Variants in TSHZ1 observed in about 807,000 individuals in gnomAD.
TSHZ1 encodes the protein teashirt zinc finger homeobox 1, also known as teashirt homolog 1.
A neutral mutation model predicts 67.1 loss-of-function variants in TSHZ1; 12 were observed. That is an observed-to-expected ratio of 0.18 (90% CI 0.11 to 0.29). The LOEUF (loss-of-function observed/expected upper bound fraction) is 0.29. Among genes scored for constraint, TSHZ1 ranks in the 10% least tolerant of loss-of-function variants. TSHZ1 has a pLI of 1.00. For missense variants in TSHZ1, 1,305 were observed against 1,413.9 expected (o/e 0.92, Z 1.23); for synonymous variants, 632 against 622.4 (o/e 1.02, Z -0.23).
chr18:75,285,358 T>C (rs992810262), intron 1 of TSHZ1, 90 bp from the exon 2 acceptor site: 11 of 1,392,586 alleles, frequency 7.9e-6, no homozygotes, highest in African/African-American at 2.9e-5. Flanking sequence ...GGCTGACAAA[T>C]ATCTTTTTAA....
chr18:75,230,693 C>T (rs1020413920), intron 1 of TSHZ1, among the ~76,000 whole-genome samples: 2 of 152,288 alleles, frequency 1.3e-5, no homozygotes, highest in African/African-American at 2.4e-5. Context: ...AAACATCATG[C>T]GTGCGAAATT....
chr18:75,253,211 A>G (rs1187445573), intron 1 of TSHZ1, among the ~76,000 whole-genome samples: 1 of 152,092 alleles, frequency 6.6e-6, no homozygotes, highest in Non-Finnish European at 1.5e-5. Flanking sequence ...GTGTATTGAG[A>G]TGCTGTTGAT....
At chr18:75,219,809 TGTGTGTAAG>T (rs2022822362) in intron 1 of TSHZ1, among the ~76,000 whole-genome samples, 1 of 152,258 alleles carries the variant, frequency 6.6e-6, no homozygotes, top group Non-Finnish European at 1.5e-5. Flanking sequence ...GAGTTGTATA[TGTGTGTAAG>T]TGTACTTTGT....
intron 1 of TSHZ1, among the ~76,000 whole-genome samples, chr18:75,267,515 G>A (rs1345959253): frequency 1.3e-5 from 2 of 152,202 alleles, no homozygotes; most frequent in Non-Finnish European, 2.9e-5. Flanking sequence ...AACACATCAC[G>A]GGCAATAGGC....
intron 1 of TSHZ1, among the ~76,000 whole-genome samples, chr18:75,256,824 A>G (rs1004029056): frequency 6.6e-6 from 1 of 152,200 alleles, no homozygotes; most frequent in African/African-American, 2.4e-5. Flanking sequence ...GATGATGTGC[A>G]TTTTACCTGT....
intron 1 of TSHZ1, among the ~76,000 whole-genome samples, chr18:75,232,928 G>A (rs559407219): frequency 1.3e-5 from 2 of 152,342 alleles, no homozygotes; most frequent in Admixed American, 6.5e-5. Flanking sequence ...AGTTTGCCAC[G>A]CACAGTTAGG....
At position 75,287,793 on chromosome 18, in the gene TSHZ1, G is replaced by C. The variant is rs367753067; in HGVS notation, c.2386G>C (p.Asp796His). The C allele has an allele frequency of 1.2e-6, 2 of 1,614,152 alleles. No individual in the cohort carries two copies. The highest frequency in any genetic ancestry group is 1.7e-5 in the Admixed American group (1 of 60,034). ...VYPATPVKQA[D>H]AIDRYYYENS... ...CCCCGCCACCCCTGTGAAGCAGGCC[G>C]ATGCCATCGACCGCTACTATTATGA... is the stretch of plus-strand genomic sequence containing the variant. Residue 796 changes from aspartate (D) to histidine (H), a missense_variant, in exon 2 of 2, where the codon GAT (aspartate) becomes CAT (histidine). By Grantham distance (81) the Asp-to-His change is moderately conservative. Coordinates refer to ENST00000580243, the MANE Select transcript of TSHZ1 (RefSeq NM_001308210.2). The surrounding 1 kb of genome is among the most constrained non-coding windows in gnomAD (Gnocchi z 5.0).
Position 75,287,551 on chromosome 18 carries a change from G to A in TSHZ1, c.2144G>A (p.Gly715Asp). Residue 715 changes from glycine (G) to aspartate (D), a missense_variant, in exon 2 of 2, where the codon GGC (glycine) becomes GAC (aspartate). Physicochemically the swap from Gly to Asp is moderately conservative, Grantham distance 94 (BLOSUM62 -1). Transcript: ENST00000580243. The surrounding 1 kb of genome is among the most constrained non-coding windows in gnomAD (Gnocchi z 5.0). The stretch of plus-strand genomic sequence containing the variant: ...CCGCTGGACGTTCACACCCCAAATG[G>A]CACAGAGCCTCTCAAAGCAAAGGTC... ...EGPLDVHTPN[G>D]TEPLKAKVTN... 6.2e-7 allele frequency: 1 copy of A among 1,614,218 alleles called. No individual in the cohort carries two copies. Among genetic ancestry groups the A allele is most frequent in the Admixed American group, 1.7e-5 (1 of 60,026 alleles).
chr18:75,281,118 C>A lies in TSHZ1; in HGVS notation c.41-4330C>A, dbSNP rs561728993. Among the ~76,000 whole-genome samples the A allele has an allele frequency of 6.6e-6, 1 of 152,130 alleles. No individual in the cohort carries two copies. The highest frequency in any genetic ancestry group is 6.5e-5 in the Admixed American group (1 of 15,284). ...AGCAAAGGCTTGCACTCAGGGTTGT[C>A]GGGAGCACAGCGTCTGCTGGAAGGG... On this transcript the variant is annotated intron_variant, in intron 1 of 1. Coordinates refer to ENST00000580243, the MANE Select transcript of TSHZ1 (RefSeq NM_001308210.2). This position sits in a 1 kb window ranked among gnomAD's most constrained non-coding sequence, Gnocchi z 5.3.
chr18:75,249,655 A>G (rs4891052), intron 1 of TSHZ1, among the ~76,000 whole-genome samples: 115,922 of 148,436 alleles, frequency 0.78, 44,950 homozygotes, highest in South Asian at 0.87. Flanking sequence ...CAACTCACCC[A>G]TGCAGTAGGT....
intron 1 of TSHZ1, among the ~76,000 whole-genome samples, chr18:75,238,422 A>G (rs960861780): frequency 6.6e-6 from 1 of 152,194 alleles, no homozygotes; most frequent in Non-Finnish European, 1.5e-5. Flanking sequence ...AAGAATTGGC[A>G]AACTGGGACA....
rs535675338 is a variant in TSHZ1 at position 75,287,291 on chromosome 18, G to T, written c.1884G>T (p.Thr628=). 4 of 1,614,038 alleles carry T rather than the reference G, an allele frequency of 2.5e-6. No individual in the cohort carries two copies. The highest frequency in any genetic ancestry group is 1.1e-5 in the South Asian group (1 of 91,072). Residue 628 remains threonine (T), a synonymous_variant, in exon 2 of 2, where the codon ACG becomes ACT. Coordinates refer to ENST00000580243, the MANE Select transcript of TSHZ1 (RefSeq NM_001308210.2). The surrounding 1 kb of genome is among the most constrained non-coding windows in gnomAD (Gnocchi z 5.0). ...NALLHSPGSL[T]PPPHKSNVSA... ...TCCTGCACTCCCCAGGGAGCCTCAC[G>T]CCCCCACCGCACAAGAGCAACGTGT...
intron 1 of TSHZ1, among the ~76,000 whole-genome samples, chr18:75,233,330 T>C (rs948003516): frequency 1.3e-5 from 2 of 152,254 alleles, no homozygotes; most frequent in African/African-American, 4.8e-5. Context: ...ATTAGTATTA[T>C]GGCACACTTT....
At chr18:75,278,018 C>T (rs973381340) in intron 1 of TSHZ1, among the ~76,000 whole-genome samples, 1 of 152,062 alleles carries the variant, frequency 6.6e-6, no homozygotes, top group African/African-American at 2.4e-5. Flanking sequence ...TACCTTCCAT[C>T]TCTCTCTCCT....
intron 1 of TSHZ1, among the ~76,000 whole-genome samples, chr18:75,268,860 A>G (rs2023523698): frequency 6.6e-6 from 1 of 152,220 alleles, no homozygotes; most frequent in African/African-American, 2.4e-5. Context: ...GGAAAGATGG[A>G]TCTTCTGAGA....
At chr18:75,233,619 A>C (rs1468789229) in intron 1 of TSHZ1, among the ~76,000 whole-genome samples, 1 of 152,146 alleles carries the variant, frequency 6.6e-6, no homozygotes, top group Non-Finnish European at 1.5e-5. Context: ...CTGGTGGATT[A>C]ATGTTGGAAA....
chr18:75,256,380 C>T (rs1334320071), intron 1 of TSHZ1, among the ~76,000 whole-genome samples: 1 of 152,200 alleles, frequency 6.6e-6, no homozygotes, highest in Non-Finnish European at 1.5e-5. Flanking sequence ...AGCTGGGTCA[C>T]AGAGGTTTCT....
chr18:75,286,077 A>G lies in TSHZ1; in HGVS notation c.670A>G (p.Ser224Gly), dbSNP rs1298247199. 3 of 1,612,836 alleles carry G rather than the reference A, an allele frequency of 1.9e-6. No homozygotes were observed. The highest frequency in any genetic ancestry group is 2.5e-6 in the Non-Finnish European group (3 of 1,179,230). ...YGLLPEPSLF[S>G]TVQLYRQNNK... is the part of the protein sequence containing the mutation. ...GCTGCTTCCTGAGCCCAGCCTGTTC[A>G]GCACCGTGCAGCTCTACCGCCAGAA... Residue 224 changes from serine (S) to glycine (G), a missense_variant, in exon 2 of 2, where the codon AGC (serine) becomes GGC (glycine). By Grantham distance (56) the Ser-to-Gly change is moderately conservative (BLOSUM62 0). Around this residue, in one of 3 missense-constraint regions of TSHZ1, gnomAD observed 358 missense variants for 375.6 expected, o/e 0.95. Transcript: ENST00000580243. This position sits in a 1 kb window ranked among gnomAD's most constrained non-coding sequence, Gnocchi z 5.1.
At chr18:75,270,283 G>A (rs1294047724) in intron 1 of TSHZ1, among the ~76,000 whole-genome samples, 1 of 152,162 alleles carries the variant, frequency 6.6e-6, no homozygotes, top group African/African-American at 2.4e-5. Context: ...AGTGAAATAG[G>A]ATTTCCCCTT....
Sources: allele counts gnomAD v4.1 joint callset (sites outside exome capture counted in the v4.1 genomes callset), GRCh38; gene constraint gnomAD v4.1.1; regional missense constraint gnomAD v4.1.1; non-coding constraint Gnocchi (gnomAD v3.1); transcripts MANE v1.5; gene names NCBI Gene and HGNC (gene_info 2026-07-23, HGNC 2026-07-21).